The following ARMC3 variants were observed in gnomAD, a reference collection of about 807,000 sequenced individuals.
ARMC3 encodes the protein armadillo repeat containing 3.
ARMC3 carries 74 observed loss-of-function variants against 90.3 expected under a neutral mutation model. The ratio of observed to expected loss-of-function variants is 0.82; its 90% CI spans 0.68 to 0.99. The LOEUF (loss-of-function observed/expected upper bound fraction) is 0.99, where lower values mean the gene tolerates loss of function less well. Ranked by LOEUF, ARMC3 falls within the 50% of genes least tolerant of loss-of-function variation. The pLI is 0.00. For missense variants in ARMC3, 958 were observed against 1,042.8 expected (o/e 0.92, Z 1.12); for synonymous variants, 334 against 361.8 (o/e 0.92, Z 0.87).
chr10:22,980,745 TTAAA>T (rs1274555899), intron 8 of ARMC3, among the ~76,000 whole-genome samples: 2 of 152,184 alleles, frequency 1.3e-5, no homozygotes, highest in Non-Finnish European at 2.9e-5. Flanking sequence ...CTTTATTTAA[TTAAA>T]TAATTATTTT....
chr10:22,987,779 C>G (rs1431515140), intron 10 of ARMC3, among the ~76,000 whole-genome samples: 1 of 152,118 alleles, frequency 6.6e-6, no homozygotes, highest in East Asian at 1.9e-4. Context: ...CATTTCTTTG[C>G]TTTTTATTTT....
In ARMC3 at chr10:22,938,643, G is replaced by A. The variant is rs1471712522; in HGVS notation, c.48+6599G>A. Among the ~76,000 whole-genome samples, 6 of 152,150 alleles carry A rather than the reference G, an allele frequency of 3.9e-5. No homozygotes were observed. The East Asian group carries it at 5.8e-4, about 15-fold the overall frequency. On this transcript the variant is annotated intron_variant, in intron 2 of 18. Coordinates refer to ENST00000298032, the MANE Select transcript of ARMC3 (RefSeq NM_173081.5). ...GGCAGGATGTGCTGATGGGTAGGAC[G>A]TGGAGTGTGAGAAGGGGACAAGTTG... is the stretch of plus-strand genomic sequence containing the variant.
intron 11 of ARMC3, among the ~76,000 whole-genome samples, chr10:23,000,466 A>T (rs370450018): frequency 1.3e-5 from 2 of 152,196 alleles, no homozygotes; most frequent in East Asian, 3.9e-4. Flanking sequence ...AAAAGACTAC[A>T]AGCTCCTTGA....
chr10:22,934,934 G>A (rs1287320937), intron 2 of ARMC3, among the ~76,000 whole-genome samples: 1 of 152,188 alleles, frequency 6.6e-6, no homozygotes, highest in Non-Finnish European at 1.5e-5. Context: ...GGCCACTGAA[G>A]TCCCCTGAGG....
chr10:22,940,708 A>T (rs1834294022), intron 2 of ARMC3, among the ~76,000 whole-genome samples: 1 of 152,150 alleles, frequency 6.6e-6, no homozygotes, highest in Non-Finnish European at 1.5e-5. Context: ...CTGGTCTTGA[A>T]TTCTCGGCCT....
chr10:22,975,733 C>T (rs559784521), intron 8 of ARMC3, among the ~76,000 whole-genome samples: 10 of 152,252 alleles, frequency 6.6e-5, no homozygotes, highest in African/African-American at 2.4e-4. Context: ...TCCACTGTCT[C>T]CACTACACAG....
At chr10:22,936,900 A>G (rs1433668974) in intron 2 of ARMC3, among the ~76,000 whole-genome samples, 3 of 151,896 alleles carry the variant, frequency 2.0e-5, no homozygotes, top group Admixed American at 1.3e-4. Flanking sequence ...CTCATACCCC[A>G]TATTATCTTT....
At chr10:23,035,974 A>G (rs1839111355) in intron 18 of ARMC3, among the ~76,000 whole-genome samples, 1 of 152,176 alleles carries the variant, frequency 6.6e-6, no homozygotes, top group Non-Finnish European at 1.5e-5. Context: ...CCCTGACATT[A>G]AAAACTCAGA....
intron 2 of ARMC3, among the ~76,000 whole-genome samples, chr10:22,937,596 T>C (rs1205178066): frequency 1.3e-5 from 2 of 152,144 alleles, no homozygotes; most frequent in Non-Finnish European, 2.9e-5. Flanking sequence ...TAGGTTGGGA[T>C]CTGTGGAAAC....
At chr10:22,952,821 A>G (rs1331723016) in intron 3 of ARMC3, among the ~76,000 whole-genome samples, 1 of 152,244 alleles carries the variant, frequency 6.6e-6, no homozygotes, top group East Asian at 1.9e-4. Flanking sequence ...AAAAAAGCAA[A>G]CACATCATGA....
At chr10:22,997,083 C>G (rs888666659) in intron 10 of ARMC3, among the ~76,000 whole-genome samples, 1 of 152,152 alleles carries the variant, frequency 6.6e-6, no homozygotes, top group Non-Finnish European at 1.5e-5. Flanking sequence ...TTTTGGGTCT[C>G]CCTTTAAAAT....
At position 22,981,718 on chromosome 10, in the gene ARMC3, C is replaced by T; in HGVS notation, c.1175+18C>T. 2 of 1,589,126 alleles carry T rather than the reference C, an allele frequency of 1.3e-6. No homozygotes were observed. The highest frequency in any genetic ancestry group is 1.7e-5 in the Admixed American group (1 of 59,494). The stretch of plus-strand genomic sequence containing the variant: ...AATGCAAAGTAAGTTCAGAGATCCT[C>T]ACCCAGCACTGACTTGTGGGACAAT... On this transcript the variant is annotated intron_variant, in intron 10 of 18. Transcript: ENST00000298032.
intron 16 of ARMC3, chr10:23,014,123 C>A (rs769213808): frequency 3.6e-5 from 56 of 1,549,748 alleles, no homozygotes; most frequent in Non-Finnish European, 4.7e-5. Context: ...TCAAGATAAA[C>A]CCTGAAGCAC....
At chr10:22,963,944 A>C (rs1232146844) in intron 7 of ARMC3, among the ~76,000 whole-genome samples, 8,121 of 140,250 alleles carry the variant, frequency 0.058, 337 homozygotes, top group Middle Eastern at 0.12. Context: ...AAAAAAAAAA[A>C]AAAAAAGACT....
chr10:22,959,589 T>C lies in ARMC3; in HGVS notation c.537+15T>C, dbSNP rs759021147. ...ACTTGGTGCAGGTAAGATTAATTTC[T>C]AAAAAGCGTTCTGATGAAAGCTCAT... On this transcript the variant is annotated intron_variant, in intron 6 of 18. Transcript: ENST00000298032. 14 of 1,569,392 alleles carry C rather than the reference T, an allele frequency of 8.9e-6. No individual in the cohort carries two copies. In the South Asian group the frequency reaches 1.6e-4, roughly 17 times the overall value.
intron 8 of ARMC3, among the ~76,000 whole-genome samples, chr10:22,975,110 T>C (rs529711893): frequency 1.1e-4 from 16 of 152,376 alleles, no homozygotes; most frequent in African/African-American, 3.6e-4. Flanking sequence ...AACCAGAGTA[T>C]ATTTTTCAGT....
intron 16 of ARMC3, among the ~76,000 whole-genome samples, chr10:23,009,928 G>A (rs529985720): frequency 6.6e-6 from 1 of 152,310 alleles, no homozygotes; most frequent in East Asian, 1.9e-4. Context: ...GTGGGGAACA[G>A]ATACCAGACC....
intron 10 of ARMC3, among the ~76,000 whole-genome samples, chr10:22,982,333 G>C (rs1185519731): frequency 6.6e-6 from 1 of 152,216 alleles, no homozygotes; most frequent in Non-Finnish European, 1.5e-5. Flanking sequence ...AGCCGAGCTC[G>C]TGCCATTGCA....
At chr10:22,959,886 A>G in intron 6 of ARMC3, 1 of 478,482 alleles carries the variant, frequency 2.1e-6, no homozygotes, top group East Asian at 6.2e-5. Context: ...GAAACTGCGC[A>G]GCTACTATTG....
Sources: gnomAD v4.1 joint callset for allele counts (sites outside exome capture counted in the v4.1 genomes callset) on GRCh38, gnomAD v4.1.1 for gene constraint, MANE v1.5 for transcripts, NCBI Gene and HGNC (gene_info 2026-07-23, HGNC 2026-07-21) for gene names.